GRM8: variants seen among roughly 807,000 people sequenced by gnomAD.
GRM8 encodes the protein metabotropic glutamate receptor 8.
Under a neutral mutation model 87.2 loss-of-function variants are expected in GRM8, and 47 were observed. The ratio of observed to expected loss-of-function variants is 0.54; its 90% CI spans 0.43 to 0.69. The LOEUF is 0.69. GRM8 is among the 30% of genes least tolerant of loss of function. GRM8 has a pLI of 0.00. For missense variants in GRM8, 1,019 were observed against 1,139.2 expected (o/e 0.89, Z 1.52); for synonymous variants, 396 against 404.5 (o/e 0.98, Z 0.25).
intron 2 of GRM8, among the ~76,000 whole-genome samples, chr7:127,132,703 C>G (rs776447334): frequency 4.6e-5 from 7 of 151,942 alleles, no homozygotes; most frequent in Non-Finnish European, 1.0e-4. Flanking sequence ...TTCCTGGCCT[C>G]GCAAGTACCT....
At chr7:127,005,524 C>T (rs889872419) in intron 3 of GRM8, among the ~76,000 whole-genome samples, 13 of 151,754 alleles carry the variant, frequency 8.6e-5, no homozygotes, top group African/African-American at 2.7e-4. Context: ...ACTATTTCAA[C>T]CAGACATAGT....
At chr7:126,521,956 C>G (rs1442701431) in intron 9 of GRM8, among the ~76,000 whole-genome samples, 2 of 152,100 alleles carry the variant, frequency 1.3e-5, no homozygotes, top group East Asian at 3.8e-4. Context: ...TTGCTTTTAT[C>G]CACACAAATT....
At chr7:127,235,283 C>T (rs916136521) in intron 2 of GRM8, among the ~76,000 whole-genome samples, 2 of 152,214 alleles carry the variant, frequency 1.3e-5, no homozygotes, top group Non-Finnish European at 2.9e-5. Flanking sequence ...TTAAAATGTG[C>T]TCCGCCCAAG....
At chr7:127,057,819 A>T (rs1820155307) in intron 3 of GRM8, among the ~76,000 whole-genome samples, 1 of 152,122 alleles carries the variant, frequency 6.6e-6, no homozygotes, top group South Asian at 2.1e-4. Flanking sequence ...CAAAAAAAAA[A>T]ACCTAATATA....
At chr7:126,498,449 T>A (rs1000132069) in intron 9 of GRM8, among the ~76,000 whole-genome samples, 1 of 151,922 alleles carries the variant, frequency 6.6e-6, no homozygotes, top group Non-Finnish European at 1.5e-5. Context: ...AGATTCTGCT[T>A]TCTGCAAGAG....
intron 3 of GRM8, among the ~76,000 whole-genome samples, chr7:127,016,159 G>A (rs10225020): frequency 0.082 from 12,480 of 152,074 alleles, 596 homozygotes; most frequent in South Asian, 0.12. Context: ...ACATGAAAAT[G>A]TCCAGGGGAG....
intron 6 of GRM8, among the ~76,000 whole-genome samples, chr7:126,795,617 T>C (rs1647595895): frequency 6.6e-6 from 1 of 152,120 alleles, no homozygotes. Flanking sequence ...ACCACCTCTC[T>C]CAATGCCATT....
At chr7:126,944,924 C>T (rs1196418815) in intron 3 of GRM8, among the ~76,000 whole-genome samples, 2 of 152,108 alleles carry the variant, frequency 1.3e-5, no homozygotes, top group Non-Finnish European at 1.5e-5. Context: ...TGACTAACAA[C>T]GTGATGTCAT....
intron 7 of GRM8, among the ~76,000 whole-genome samples, chr7:126,670,420 G>T (rs1395513610): frequency 6.6e-6 from 1 of 152,026 alleles, no homozygotes; most frequent in Non-Finnish European, 1.5e-5. Flanking sequence ...AAATTCTAAG[G>T]TCTAAGTATA....
chr7:126,904,719 G>C, intron 3 of GRM8, 36 bp from the exon 4 acceptor site: 5 of 1,599,816 alleles, frequency 3.1e-6, no homozygotes, highest in Non-Finnish European at 4.3e-6. Context: ...GATTCAGAAA[G>C]AGCATTTATT....
Position 126,473,348 on chromosome 7 carries a change from G to A in GRM8, c.2431-26976C>T, listed in dbSNP as rs115167993. Among the ~76,000 whole-genome samples the A allele has an allele frequency of 7.5e-3, 1,147 of 152,322 alleles. 8 individuals carry two copies. The highest frequency in any genetic ancestry group is 0.026 in the African/African-American group (1,077 of 41,580). ...CCTGGATGTGAAACATGTAGTCAAAGGAGATCATTTTGGAGCTTTAAGATT... is the reference window on the plus strand; with the variant it reads ...CCTGGATGTGAAACATGTAGTCAAAAGAGATCATTTTGGAGCTTTAAGATT... On this transcript the variant is annotated intron_variant, in intron 9 of 10. Coordinates refer to ENST00000339582, the MANE Select transcript of GRM8 (RefSeq NM_000845.3).
At chr7:127,132,353 T>G (rs1827733924) in intron 2 of GRM8, among the ~76,000 whole-genome samples, 1 of 152,222 alleles carries the variant, frequency 6.6e-6, no homozygotes, top group Non-Finnish European at 1.5e-5. Flanking sequence ...TTACTTTTAT[T>G]GCATTTTGTT....
intron 3 of GRM8, among the ~76,000 whole-genome samples, chr7:127,064,626 C>T (rs1345893944): frequency 6.6e-6 from 1 of 152,058 alleles, no homozygotes; most frequent in Admixed American, 6.6e-5. Context: ...AGGTTAGTGT[C>T]TGACAAAGGT....
intron 3 of GRM8, among the ~76,000 whole-genome samples, chr7:126,985,566 T>C (rs1325287152): frequency 1.3e-5 from 2 of 152,178 alleles, no homozygotes; most frequent in African/African-American, 4.8e-5. Flanking sequence ...TTTCTTACAG[T>C]TATGGAGGCC....
At position 127,204,660 on chromosome 7, in the gene GRM8, A is replaced by AT. The variant is rs756100696; in HGVS notation, c.510+38034dup. Among the ~76,000 whole-genome samples the AT allele has an allele frequency of 5.8e-3, 857 of 147,862 alleles. 2 individuals carry two copies. Among genetic ancestry groups the AT allele is most frequent in the Middle Eastern group, 0.01 (3 of 286 alleles). ...TCTCCGATTTGACATTACTGTCCAA[A>AT]TTTTTTTTTTTTTATAACATATCAA... On this transcript the variant is annotated intron_variant, in intron 2 of 10. Coordinates refer to ENST00000339582, the MANE Select transcript of GRM8 (RefSeq NM_000845.3).
At chr7:127,043,506 A>C (rs1241516268) in intron 3 of GRM8, among the ~76,000 whole-genome samples, 1 of 152,216 alleles carries the variant, frequency 6.6e-6, no homozygotes, top group Non-Finnish European at 1.5e-5. Flanking sequence ...TCAGCAAACT[A>C]TCACAAGAAC....
At chr7:126,714,060 T>C (rs1376343196) in intron 7 of GRM8, among the ~76,000 whole-genome samples, 1 of 150,238 alleles carries the variant, frequency 6.7e-6, no homozygotes, top group Non-Finnish European at 1.5e-5. Flanking sequence ...TCACTTGAGG[T>C]AAGGAGTCCA....
Position 126,623,057 on chromosome 7 carries a change from CCATT to C in GRM8, c.1358-13563_1358-13560del, listed in dbSNP as rs540290689. Among the ~76,000 whole-genome samples the C allele has an allele frequency of 5.9e-5, 9 of 152,310 alleles. No homozygotes were observed. In the South Asian group the frequency reaches 1.9e-3, roughly 32 times the overall value. ...GCTTAGTAAGCAGCTTACTGTCCAACCATTCAATCAATTCAAAACCTAATTTAAT... is the reference window on the plus strand; with the variant it reads ...GCTTAGTAAGCAGCTTACTGTCCAACCAATCAATTCAAAACCTAATTTAAT... On this transcript the variant is annotated intron_variant, in intron 7 of 10. Coordinates refer to ENST00000339582, the MANE Select transcript of GRM8 (RefSeq NM_000845.3).
chr7:127,110,313 G>A (rs775831425), intron 2 of GRM8, among the ~76,000 whole-genome samples: 44 of 152,130 alleles, frequency 2.9e-4, no homozygotes, highest in Non-Finnish European at 4.7e-4. Flanking sequence ...ACACTGCTGT[G>A]GCTCCCCAAT....
Sources: allele counts gnomAD v4.1 joint callset (sites outside exome capture counted in the v4.1 genomes callset), GRCh38; gene constraint gnomAD v4.1.1; transcripts MANE v1.5; gene names NCBI Gene and HGNC (gene_info 2026-07-23, HGNC 2026-07-21).